CXADR: variants seen among roughly 807,000 people sequenced by gnomAD.
CXADR encodes CXADR cell adhesion molecule.
A neutral mutation model predicts 40.3 loss-of-function variants in CXADR; 20 were observed. The observed-to-expected ratio is 0.50, with a 90% confidence interval of 0.35 to 0.72. The LOEUF (loss-of-function observed/expected upper bound fraction) is 0.72. Among genes scored for constraint, CXADR ranks in the 30% least tolerant of loss-of-function variants. The pLI is 0.01. For synonymous variants in CXADR, 150 were observed against 161.3 expected (o/e 0.93, Z 0.53); for missense variants, 332 against 449.1 (o/e 0.74, Z 2.36).
intron 7 of CXADR, among the ~76,000 whole-genome samples, chr21:17,592,287 C>G (rs965394534): frequency 5.3e-5 from 8 of 151,940 alleles, no homozygotes; most frequent in African/African-American, 2.4e-5. Flanking sequence ...TACCAAAATC[C>G]TCAGATGCTC....
rs1223464580 is a variant in CXADR, at chr21:17,569,081, CAT to C, written c.*3390_*3391del. On this transcript the variant is annotated 3_prime_UTR_variant, in exon 7 of 7. Coordinates refer to ENST00000284878, the MANE Select transcript of CXADR (RefSeq NM_001338.5). ...CTTTTGATGAAATATAAAAGGAACT[CAT>C]TGCATGAAGTTGACTATCAAATTCT... 1 of 985,210 alleles carries C rather than the reference CAT, an allele frequency of 1.0e-6. No individual in the cohort carries two copies. The highest frequency in any genetic ancestry group is 1.2e-6 in the Non-Finnish European group (1 of 829,928). 61.0% of individuals were successfully genotyped at this position (985,210 alleles called of 1,614,324 possible).
At chr21:17,578,574 C>T (rs780038130) in intron 7 of CXADR, among the ~76,000 whole-genome samples, 14 of 152,332 alleles carry the variant, frequency 9.2e-5, no homozygotes, top group African/African-American at 2.6e-4. Flanking sequence ...CAATGGCTCA[C>T]GCCTGTAATC....
chr21:17,562,039 A>G (rs1236731364), intron 6 of CXADR, among the ~76,000 whole-genome samples: 2 of 152,212 alleles, frequency 1.3e-5, no homozygotes, highest in African/African-American at 2.4e-5. Context: ...CACTGCGATA[A>G]ATCACATGAA....
chr21:17,541,756 G>A (rs2123222694), intron 1 of CXADR, among the ~76,000 whole-genome samples: 1 of 151,822 alleles, frequency 6.6e-6, no homozygotes, highest in East Asian at 1.9e-4. Flanking sequence ...GCTAGAGTAT[G>A]CATTTTTGAC....
At chr21:17,542,468 C>G (rs1303962387) in intron 1 of CXADR, among the ~76,000 whole-genome samples, 1 of 152,156 alleles carries the variant, frequency 6.6e-6, no homozygotes, top group Non-Finnish European at 1.5e-5. Flanking sequence ...TTGATGAACT[C>G]ATGTCACTTT....
At chr21:17,529,053 T>C (rs868395052) in intron 1 of CXADR, among the ~76,000 whole-genome samples, 101 of 137,406 alleles carry the variant, frequency 7.4e-4, no homozygotes, top group African/African-American at 2.6e-3. Context: ...TTTTTTTTTT[T>C]TTTGAGACAG....
At chr21:17,580,385 G>A (rs1178986140) in intron 7 of CXADR, among the ~76,000 whole-genome samples, 5 of 152,178 alleles carry the variant, frequency 3.3e-5, no homozygotes, top group South Asian at 2.1e-4. Context: ...TTGGGAGGCC[G>A]AGGCAGGCAG....
chr21:17,559,046 T>C lies in CXADR; in HGVS notation c.486T>C (p.Cys162=). 1 of 1,614,156 alleles carries C rather than the reference T, an allele frequency of 6.2e-7. No individual in the cohort carries two copies. The highest frequency in any genetic ancestry group is 1.3e-5 in the African/African-American group (1 of 75,062). Residue 162 remains cysteine, a synonymous_variant, in exon 4 of 7, where the codon TGT becomes TGC. Coordinates refer to ENST00000284878, the MANE Select transcript of CXADR (RefSeq NM_001338.5). ...TTGGAAGTGACTTTAAGATAAAATG[T>C]GAACCAAAAGAAGGTTCACTTCCAT... is the stretch of plus-strand genomic sequence containing the variant. ...EEIGSDFKIK[C]EPKEGSLPLQ...
chr21:17,617,627 T>C, the CXADR span, among the ~76,000 whole-genome samples: 1 of 152,264 alleles, frequency 6.6e-6, no homozygotes, highest in Non-Finnish European at 1.5e-5. Flanking sequence ...GTCTATTAAG[T>C]GTGCAGTAGC....
intron 1 of CXADR, among the ~76,000 whole-genome samples, chr21:17,519,888 G>A (rs1414371468): frequency 1.3e-5 from 2 of 152,062 alleles, no homozygotes; most frequent in African/African-American, 2.4e-5. Flanking sequence ...GAAGCTGGGA[G>A]GCTGAGGTTT....
chr21:17,617,290 AGGTGCC>A, the CXADR span, among the ~76,000 whole-genome samples: 2 of 141,148 alleles, frequency 1.4e-5, no homozygotes, highest in Admixed American at 6.8e-5. Flanking sequence ...TTGGCAGGAG[AGGTGCC>A]ATTATTGTTG....
chr21:17,570,251 A>G (rs1372343099), downstream of CXADR: 1 of 905,486 alleles, frequency 1.1e-6, no homozygotes, highest in Admixed American at 6.2e-5. Flanking sequence ...AATCATATTA[A>G]TACATCATTG....
intron 3 of CXADR, among the ~76,000 whole-genome samples, chr21:17,557,340 C>T (rs2061049533): frequency 6.6e-6 from 1 of 152,196 alleles, no homozygotes; most frequent in Non-Finnish European, 1.5e-5. Context: ...AATGGCCCCA[C>T]CTCCTCACAG....
In CXADR at chr21:17,568,769, G is replaced by T; in HGVS notation, c.*3077G>T. 2 of 984,532 alleles carry T rather than the reference G, an allele frequency of 2.0e-6. No individual in the cohort carries two copies. Among genetic ancestry groups the T allele is most frequent in the Non-Finnish European group, 2.4e-6 (2 of 829,776 alleles). The allele number at this position is 984,532 out of a possible 1,614,324, so 61.0% of individuals were successfully genotyped here. A position where few individuals can be genotyped will look rare whatever the true frequency, so the allele number is the denominator to read the frequency against. On this transcript the variant is annotated 3_prime_UTR_variant, in exon 7 of 7. Transcript: ENST00000284878. ...TAATCTTAACTAATATGATTCCCTT[G>T]TTAGAGAGCCTCTCACTCCCCCACC...
chr21:17,595,283 T>C (rs1049141062), downstream of CXADR, among the ~76,000 whole-genome samples: 38 of 152,124 alleles, frequency 2.5e-4, no homozygotes, highest in Admixed American at 2.4e-3. Context: ...ATCTCAAATC[T>C]GCATTTCTAA....
chr21:17,595,696 CAA>C (rs748402647), downstream of CXADR, among the ~76,000 whole-genome samples: 10 of 151,770 alleles, frequency 6.6e-5, no homozygotes, highest in Non-Finnish European at 8.8e-5. Context: ...ATTAAAAAAA[CAA>C]TGATACACAA....
At chr21:17,576,360 C>T (rs1230134371) in intron 7 of CXADR, among the ~76,000 whole-genome samples, 2 of 152,118 alleles carry the variant, frequency 1.3e-5, no homozygotes, top group Non-Finnish European at 1.5e-5. Flanking sequence ...TCTCCATACT[C>T]CTTTACCTCA....
downstream of CXADR, among the ~76,000 whole-genome samples, chr21:17,596,351 A>T (rs1295856453): frequency 6.6e-6 from 1 of 151,992 alleles, no homozygotes; most frequent in African/African-American, 2.4e-5. Context: ...CTCTAGAGGA[A>T]ATATTTGCCT....
chr21:17,606,904 TATGA>T, the CXADR span, among the ~76,000 whole-genome samples: 3 of 152,198 alleles, frequency 2.0e-5, no homozygotes, highest in East Asian at 1.9e-4. Context: ...GTTCAAAAGG[TATGA>T]ATATTTTTAT....
Sources: allele counts gnomAD v4.1 joint callset (sites outside exome capture counted in the v4.1 genomes callset), GRCh38; gene constraint gnomAD v4.1.1; transcripts MANE v1.5; gene names NCBI Gene and HGNC (gene_info 2026-07-23, HGNC 2026-07-21).